WWOX: variants seen among roughly 807,000 people sequenced by gnomAD.
WWOX encodes the protein WW domain-containing oxidoreductase.
Under a neutral mutation model 46.2 loss-of-function variants are expected in WWOX, and 69 were observed. The observed-to-expected ratio is 1.49, with a 90% CI of 1.23 to 1.82. The LOEUF (loss-of-function observed/expected upper bound fraction) is 1.82. Ranked by LOEUF, WWOX falls within the 40% of genes most tolerant of loss-of-function variation. The pLI is 0.00. For missense variants in WWOX, 919 were observed against 542.6 expected (o/e 1.69, Z -6.89); for synonymous variants, 359 against 202.6 (o/e 1.77, Z -6.56).
intron 5 of WWOX, among the ~76,000 whole-genome samples, chr16:78,312,799 C>T (rs2080274927): frequency 6.6e-6 from 1 of 152,204 alleles, no homozygotes; most frequent in African/African-American, 2.4e-5. Flanking sequence ...ACCTTAGGTC[C>T]AGTCTTGTGA....
At chr16:78,537,154 T>G (rs1395381570) in intron 8 of WWOX, among the ~76,000 whole-genome samples, 1 of 152,036 alleles carries the variant, frequency 6.6e-6, no homozygotes, top group Non-Finnish European at 1.5e-5. Context: ...TGACCTCAGG[T>G]GATCTGCCTG....
intron 8 of WWOX, among the ~76,000 whole-genome samples, chr16:79,172,424 G>C (rs2050717644): frequency 6.6e-6 from 1 of 152,050 alleles, no homozygotes; most frequent in Admixed American, 6.5e-5. Flanking sequence ...TTCTGCTCTG[G>C]GCTGCAAACT....
intron 8 of WWOX, among the ~76,000 whole-genome samples, chr16:78,494,277 C>G (rs1315668573): frequency 6.6e-6 from 1 of 152,114 alleles, no homozygotes; most frequent in East Asian, 1.9e-4. Context: ...AACAGATTAG[C>G]CCCCTATGCA....
chr16:79,183,943 A>T (rs2050963101), intron 8 of WWOX, among the ~76,000 whole-genome samples: 2 of 152,180 alleles, frequency 1.3e-5, no homozygotes, highest in African/African-American at 4.8e-5. Context: ...TCCAGAAGAA[A>T]ACACGCTTTG....
chr16:79,045,200 C>G (rs2048042121), intron 8 of WWOX, among the ~76,000 whole-genome samples: 1 of 152,180 alleles, frequency 6.6e-6, no homozygotes, highest in African/African-American at 2.4e-5. Context: ...TGCATTAGAA[C>G]CAAGTTCTTA....
intron 8 of WWOX, among the ~76,000 whole-genome samples, chr16:78,952,523 C>T (rs915731773): frequency 6.6e-6 from 1 of 151,966 alleles, no homozygotes; most frequent in Admixed American, 6.6e-5. Context: ...GCTGGGATTA[C>T]AGGCATGTAC....
At chr16:78,120,338 A>C (rs1201733181) in intron 4 of WWOX, among the ~76,000 whole-genome samples, 2 of 152,180 alleles carry the variant, frequency 1.3e-5, no homozygotes, top group Non-Finnish European at 2.9e-5. Flanking sequence ...TGAGAGGCCG[A>C]GGCGGGTGGA....
intron 8 of WWOX, among the ~76,000 whole-genome samples, chr16:78,666,208 G>C (rs1051922105): frequency 6.6e-6 from 1 of 152,110 alleles, no homozygotes; most frequent in Admixed American, 6.5e-5. Flanking sequence ...GATTGTTGGA[G>C]CCCGGGAGGT....
rs1039952330 is a variant in WWOX, at chr16:78,274,284, C to T, written c.516+109995C>T. Among the ~76,000 whole-genome samples, 6 of 152,196 alleles carry T rather than the reference C, an allele frequency of 3.9e-5. 1 individual carries two copies. The highest frequency in any genetic ancestry group is 7.3e-5 in the Non-Finnish European group (5 of 68,042). ...AACCCACTGGATTTTAAGATTCCAT[C>T]TGACAAGAATGATCACTGTTCCTTC... On this transcript the variant is annotated intron_variant, in intron 5 of 8. Transcript: ENST00000566780.
At chr16:78,363,935 C>T (rs766493276) in intron 5 of WWOX, among the ~76,000 whole-genome samples, 31 of 152,150 alleles carry the variant, frequency 2.0e-4, no homozygotes, top group Non-Finnish European at 3.4e-4. Flanking sequence ...GTGATGCTTC[C>T]GGAAGAATGC....
At chr16:78,983,906 C>G (rs2046733326) in intron 8 of WWOX, among the ~76,000 whole-genome samples, 1 of 101,010 alleles carries the variant, frequency 9.9e-6, no homozygotes, top group Admixed American at 1.6e-4. Context: ...GAGATGGAGT[C>G]TTGCTCTGTT....
chr16:78,522,999 G>T (rs2043382388), intron 8 of WWOX, among the ~76,000 whole-genome samples: 1 of 152,214 alleles, frequency 6.6e-6, no homozygotes, highest in Non-Finnish European at 1.5e-5. Flanking sequence ...TTGAAGCTGG[G>T]AGGCGGAGGT....
At chr16:78,315,159 G>T (rs545199005) in intron 5 of WWOX, among the ~76,000 whole-genome samples, 1 of 152,210 alleles carries the variant, frequency 6.6e-6, no homozygotes, top group Non-Finnish European at 1.5e-5. Context: ...TCTTATGTAA[G>T]AAAACTCTGA....
chr16:78,654,517 A>G (rs553450324), intron 8 of WWOX, among the ~76,000 whole-genome samples: 13 of 152,292 alleles, frequency 8.5e-5, no homozygotes, highest in African/African-American at 3.1e-4. Context: ...AAATAGGTAA[A>G]ACAATAAACT....
chr16:78,165,891 A>T (rs1443855446), intron 5 of WWOX, among the ~76,000 whole-genome samples: 1 of 152,192 alleles, frequency 6.6e-6, no homozygotes, highest in African/African-American at 2.4e-5. Flanking sequence ...AAGAAAACAG[A>T]GTCTTACTTT....
At chr16:78,113,533 G>A (rs574078461) in intron 3 of WWOX, among the ~76,000 whole-genome samples, 33 of 152,298 alleles carry the variant, frequency 2.2e-4, no homozygotes, top group African/African-American at 5.8e-4. Flanking sequence ...GTAAGCAAGG[G>A]CTTTGGGGGG....
chr16:79,095,024 A>G (rs1321518835), intron 8 of WWOX, among the ~76,000 whole-genome samples: 1 of 152,098 alleles, frequency 6.6e-6, no homozygotes, highest in Non-Finnish European at 1.5e-5. Context: ...AGTCCCTTTG[A>G]GGTGATTTCT....
chr16:78,970,239 G>C (rs2046443727), intron 8 of WWOX, among the ~76,000 whole-genome samples: 1 of 152,084 alleles, frequency 6.6e-6, no homozygotes, highest in Admixed American at 6.5e-5. Context: ...GCACGGTGTT[G>C]GCTCTCAGTT....
chr16:78,590,417 G>A (rs1352557972), intron 8 of WWOX, among the ~76,000 whole-genome samples: 3 of 152,202 alleles, frequency 2.0e-5, no homozygotes, highest in Non-Finnish European at 4.4e-5. Flanking sequence ...GTCAAGAAGG[G>A]TGCGGGAAGA....
Sources: gnomAD v4.1 joint callset for allele counts (sites outside exome capture counted in the v4.1 genomes callset) on GRCh38, gnomAD v4.1.1 for gene constraint, MANE v1.5 for transcripts, NCBI Gene and HGNC (gene_info 2026-07-23, HGNC 2026-07-21) for gene names.